Variants in KRABD5 observed in about 807,000 individuals in gnomAD.
KRABD5 encodes the protein KRAB domain-containing protein 5.
the KRABD5 span, among the ~76,000 whole-genome samples, chr16:31,736,404 A>G: frequency 1.9e-4 from 21 of 110,986 alleles, no homozygotes; most frequent in African/African-American, 7.7e-4. Context: ...TTCCATGTAC[A>G]TTTAGTTTTT....
chr16:31,747,260 G>A, the KRABD5 span, among the ~76,000 whole-genome samples: 4,888 of 150,528 alleles, frequency 0.032, 88 homozygotes, highest in Non-Finnish European at 0.044. Context: ...TTGTCCTTGC[G>A]ATAGTTTGCT....
At chr16:31,755,961 A>C in the KRABD5 span, 3 of 165,486 alleles carry the variant, frequency 1.8e-5, no homozygotes, top group Non-Finnish European at 4.0e-5. Context: ...TTATTTTGTT[A>C]TGTGTTTCAA....
At chr16:31,744,328 C>A in the KRABD5 span, among the ~76,000 whole-genome samples, 16 of 151,918 alleles carry the variant, frequency 1.1e-4, no homozygotes, top group Admixed American at 1.0e-3. Context: ...GAGTTTTTAA[C>A]ATGAAGGAAT....
chr16:31,754,435 C>T, the KRABD5 span: 1 of 640,078 alleles, frequency 1.6e-6, no homozygotes, highest in Middle Eastern at 2.6e-4. Flanking sequence ...TAAATAATTA[C>T]CAGTATATTT....
chr16:31,716,938 A>G, the KRABD5 span, among the ~76,000 whole-genome samples: 2 of 151,080 alleles, frequency 1.3e-5, no homozygotes, highest in East Asian at 3.9e-4. Context: ...CCTTTTGGAA[A>G]TATGTCTAAA....
the KRABD5 span, chr16:31,713,532 A>T: frequency 6.8e-7 from 1 of 1,479,698 alleles, no homozygotes; most frequent in Non-Finnish European, 9.1e-7. Flanking sequence ...CTGGGCCCTG[A>T]GTCCCCGCGG....
the KRABD5 span, among the ~76,000 whole-genome samples, chr16:31,724,242 T>C: frequency 6.6e-6 from 1 of 152,110 alleles, no homozygotes; most frequent in East Asian, 1.9e-4. Flanking sequence ...TGGATTTTTT[T>C]CCCACACTTG....
chr16:31,723,141 T>G, the KRABD5 span: 1 of 1,115,326 alleles, frequency 9.0e-7, no homozygotes, highest in Non-Finnish European at 1.3e-6. Context: ...GGAAACAGTA[T>G]TTGGGGAAGT....
the KRABD5 span, among the ~76,000 whole-genome samples, chr16:31,740,751 A>G: frequency 6.6e-6 from 1 of 151,938 alleles, no homozygotes; most frequent in African/African-American, 2.4e-5. Context: ...TTGAGCTATG[A>G]TTGTACCAGT....
At chr16:31,717,949 A>T in the KRABD5 span, among the ~76,000 whole-genome samples, 1 of 152,090 alleles carries the variant, frequency 6.6e-6, no homozygotes, top group Non-Finnish European at 1.5e-5. Flanking sequence ...AAATAAGTTC[A>T]CAGGGCATCA....
chr16:31,714,021 A>G, the KRABD5 span, among the ~76,000 whole-genome samples: 1 of 152,200 alleles, frequency 6.6e-6, no homozygotes, highest in Non-Finnish European at 1.5e-5. Flanking sequence ...TTCCACAGAA[A>G]GTGTGCTAGA....
chr16:31,746,899 G>T, the KRABD5 span, among the ~76,000 whole-genome samples: 1 of 151,662 alleles, frequency 6.6e-6, no homozygotes, highest in African/African-American at 2.4e-5. Context: ...TCTTCTGCCT[G>T]GTTCGTTTGG....
At chr16:31,719,285 A>G in the KRABD5 span, among the ~76,000 whole-genome samples, 1 of 152,250 alleles carries the variant, frequency 6.6e-6, no homozygotes, top group Non-Finnish European at 1.5e-5. Context: ...ACCCATGGAC[A>G]GAAGAGTTGT....
the KRABD5 span, among the ~76,000 whole-genome samples, chr16:31,731,591 C>T: frequency 6.6e-6 from 1 of 152,172 alleles, no homozygotes; most frequent in South Asian, 2.1e-4. Context: ...AGGATATGGG[C>T]CCTGGGCCCA....
At chr16:31,737,336 T>C in the KRABD5 span, among the ~76,000 whole-genome samples, 1 of 152,206 alleles carries the variant, frequency 6.6e-6, no homozygotes, top group Non-Finnish European at 1.5e-5. Context: ...TTAGAACTAA[T>C]GAACAAGTTC....
chr16:31,756,724 A>T, the KRABD5 span: 1 of 152,200 alleles, frequency 6.6e-6, no homozygotes, highest in African/African-American at 2.4e-5. Context: ...GTTTTATTCA[A>T]TATTTTTCTT....
At chr16:31,755,130 A>G in the KRABD5 span, 2 of 491,362 alleles carry the variant, frequency 4.1e-6, no homozygotes, top group Admixed American at 2.2e-5. Context: ...GAGAAACCCT[A>G]TAAATGTAAG....
chr16:31,736,766 C>G, the KRABD5 span, among the ~76,000 whole-genome samples: 24 of 152,106 alleles, frequency 1.6e-4, no homozygotes, highest in African/African-American at 5.8e-4. Flanking sequence ...GTGATCCACC[C>G]GTCTCAGCTT....
At chr16:31,714,403 G>A in the KRABD5 span, 25 of 456,286 alleles carry the variant, frequency 5.5e-5, no homozygotes, top group African/African-American at 4.6e-4. Flanking sequence ...ACCTGCTCCT[G>A]TCCCTTCAGT....
Sources: gnomAD v4.1 joint callset for allele counts (sites outside exome capture counted in the v4.1 genomes callset) on GRCh38, gnomAD v4.1.1 for gene constraint, MANE v1.5 for transcripts, NCBI Gene and HGNC (gene_info 2026-07-23, HGNC 2026-07-21) for gene names.